The following CPQ variants were observed in gnomAD, a reference collection of about 807,000 sequenced individuals.
CPQ encodes the protein carboxypeptidase Q, also known as Ser-Met dipeptidase.
In CPQ, 37 loss-of-function variants were observed where a neutral mutation model predicts 45.7. That is an observed-to-expected ratio of 0.81 (90% CI 0.62 to 1.07). The LOEUF (loss-of-function observed/expected upper bound fraction) is 1.07. CPQ is among the 50% of genes least tolerant of loss of function. The pLI is 0.00. For missense variants in CPQ, 537 were observed against 572.9 expected (o/e 0.94, Z 0.64); for synonymous variants, 186 against 205.8 (o/e 0.90, Z 0.82).
chr8:97,081,968 C>T (rs1448001442), intron 7 of CPQ, among the ~76,000 whole-genome samples: 1 of 152,122 alleles, frequency 6.6e-6, no homozygotes, highest in Non-Finnish European at 1.5e-5. Context: ...AAGTGAAATG[C>T]TTGGCACAAA....
chr8:96,671,985 G>A (rs1013001003), intron 1 of CPQ, among the ~76,000 whole-genome samples: 1 of 152,144 alleles, frequency 6.6e-6, no homozygotes, highest in African/African-American at 2.4e-5. Context: ...TTGTGATTTA[G>A]AGGATTATTA....
At chr8:97,036,338 G>A (rs911401169) in intron 6 of CPQ, among the ~76,000 whole-genome samples, 1 of 152,064 alleles carries the variant, frequency 6.6e-6, no homozygotes. Flanking sequence ...ATGCCTTTAT[G>A]TTATTCTTTA....
At chr8:96,955,348 G>A (rs1813339946) in intron 4 of CPQ, among the ~76,000 whole-genome samples, 1 of 152,126 alleles carries the variant, frequency 6.6e-6, no homozygotes, top group African/African-American at 2.4e-5. Context: ...CTGATGGCCA[G>A]TGATGATGAG....
At chr8:97,042,191 A>C (rs866552036) in intron 6 of CPQ, among the ~76,000 whole-genome samples, 1 of 152,190 alleles carries the variant, frequency 6.6e-6, no homozygotes, top group Non-Finnish European at 1.5e-5. Flanking sequence ...CAGAGATTCA[A>C]CTTCTTCCTG....
At chr8:96,912,817 G>A (rs879645007) in intron 4 of CPQ, among the ~76,000 whole-genome samples, 6 of 152,194 alleles carry the variant, frequency 3.9e-5, no homozygotes, top group Admixed American at 6.5e-5. Context: ...GATTCCATAC[G>A]CTTTCTTCTG....
intron 6 of CPQ, 83 bp from the exon 7 acceptor site, chr8:97,065,925 AT>A: frequency 7.5e-7 from 1 of 1,341,764 alleles, no homozygotes; most frequent in Non-Finnish European, 1.1e-6. Flanking sequence ...GAGGTAAAGT[AT>A]TTGGTAATTG....
rs868232163 is a variant in CPQ, at chr8:96,926,585, T to C, written c.850-39350T>C. Among the ~76,000 whole-genome samples, 154 of 139,102 alleles carry C rather than the reference T, an allele frequency of 1.1e-3. 2 individuals are homozygous for C. Among genetic ancestry groups the C allele is most frequent in the African/African-American group, 4.2e-3 (144 of 34,166 alleles). 91.3% of individuals were successfully genotyped at this position (139,102 alleles called of 152,430 possible). ...CTTCCTCTTCCTCTTCCTCTTCTTC[T>C]TCTTCTTCTTCTTCTTCTTCTTCTT... On this transcript the variant is annotated intron_variant, in intron 4 of 7. Transcript: ENST00000220763.
intron 5 of CPQ, among the ~76,000 whole-genome samples, chr8:96,974,082 T>C (rs1813731040): frequency 6.6e-6 from 1 of 152,122 alleles, no homozygotes; most frequent in Non-Finnish European, 1.5e-5. Flanking sequence ...AATGACAGAA[T>C]GGATAAGAAT....
chr8:97,017,781 C>T (rs1307695305), intron 5 of CPQ, among the ~76,000 whole-genome samples: 9 of 152,068 alleles, frequency 5.9e-5, no homozygotes, highest in Middle Eastern at 3.2e-3. Flanking sequence ...CCTGCCCCCA[C>T]CTGGTGGTCC....
rs373982615 is a variant in CPQ, at chr8:96,834,948, A to T, written c.434-25A>T. On this transcript the variant is annotated intron_variant, in intron 2 of 7. Transcript: ENST00000220763. ...CCCAGCTGATGGGAAACTGTAAGTTAATCTTGCATGACTTTTATTTCTAGG... is the reference window on the plus strand; with the variant it reads ...CCCAGCTGATGGGAAACTGTAAGTTTATCTTGCATGACTTTTATTTCTAGG... 2.0e-5 allele frequency: 32 copies of T among 1,602,594 alleles called. No individual in the cohort carries two copies. In the African/African-American group the frequency reaches 4.0e-4, roughly 20 times the overall value.
chr8:96,875,168 A>G (rs1390294599), intron 3 of CPQ, among the ~76,000 whole-genome samples: 3 of 151,872 alleles, frequency 2.0e-5, no homozygotes, highest in East Asian at 1.9e-4. Flanking sequence ...TCCCGTTTTC[A>G]TAATTGGATT....
rs561052970 is a variant in CPQ at position 96,933,954 on chromosome 8, C to CTGT, written c.850-31981_850-31980insTGT. Among the ~76,000 whole-genome samples the CTGT allele has an allele frequency of 7.1e-4, 108 of 152,312 alleles. No individual in the cohort carries two copies. In the South Asian group the frequency reaches 0.021, roughly 29 times the overall value. Reference sequence around the variant, plus strand: ...CGAATAGTGCTACGTACCGCTACCACAACTGTAATGATTGCAGAAAATGTT... The same window carrying CTGT: ...CGAATAGTGCTACGTACCGCTACCACTGTAACTGTAATGATTGCAGAAAATGTT... On this transcript the variant is annotated intron_variant, in intron 4 of 7. Transcript: ENST00000220763.
At chr8:97,067,308 T>G (rs897884558) in intron 7 of CPQ, among the ~76,000 whole-genome samples, 1 of 152,158 alleles carries the variant, frequency 6.6e-6, no homozygotes, top group Non-Finnish European at 1.5e-5. Context: ...TTTACTGATA[T>G]TGTTTGTGAC....
chr8:97,082,736 C>T (rs1305641386), intron 7 of CPQ, among the ~76,000 whole-genome samples: 3 of 152,150 alleles, frequency 2.0e-5, no homozygotes, highest in Non-Finnish European at 4.4e-5. Flanking sequence ...TCACTTCATA[C>T]CAAGCTCCCA....
chr8:96,774,380 T>C (rs1810582010), intron 1 of CPQ, among the ~76,000 whole-genome samples: 3 of 152,188 alleles, frequency 2.0e-5, no homozygotes, highest in Admixed American at 1.3e-4. Context: ...AACAGATGTT[T>C]TAAGCCAAGG....
Position 96,835,120 on chromosome 8 carries a change from C to G in CPQ, c.581C>G (p.Ala194Gly). The G allele has an allele frequency of 6.3e-7, 1 of 1,592,110 alleles. No individual in the cohort carries two copies. The highest frequency in any genetic ancestry group is 8.6e-7 in the Non-Finnish European group (1 of 1,168,028). The change falls in exon 3 of 8, where the codon GCT (alanine) becomes GGT (glycine). Residue 194 changes from alanine (A) to glycine (G), a missense_variant. By Grantham distance (60) the Ala-to-Gly change is moderately conservative. Transcript: ENST00000220763. ...VQYRTQGAVE[A>G]AKVGALASLI... ...TACCGAACGCAGGGGGCGGTGGAAG[C>G]TGCCAAGGTGGGGGCTTTGGCATCT... is the stretch of plus-strand genomic sequence containing the variant.
intron 2 of CPQ, among the ~76,000 whole-genome samples, chr8:96,786,468 AATAGTGCTGCTATGAAC>A (rs1215796418): frequency 6.6e-6 from 1 of 152,134 alleles, no homozygotes; most frequent in East Asian, 1.9e-4. Context: ...AGATATTATG[AATAGTGCTGCTATGAAC>A]ATTCATGCAC....
At chr8:96,870,538 A>G (rs1048515676) in intron 3 of CPQ, among the ~76,000 whole-genome samples, 2 of 152,020 alleles carry the variant, frequency 1.3e-5, no homozygotes, top group Non-Finnish European at 2.9e-5. Flanking sequence ...CTCCAGCCAG[A>G]TTCAGATTGC....
intron 5 of CPQ, among the ~76,000 whole-genome samples, chr8:96,984,930 C>T (rs77046884): frequency 0.038 from 5,819 of 152,182 alleles, 278 homozygotes; most frequent in African/African-American, 0.11. Flanking sequence ...TTTCTTTCTC[C>T]TGGTTCAGTT....
Sources: gnomAD v4.1 joint callset for allele counts (sites outside exome capture counted in the v4.1 genomes callset) on GRCh38, gnomAD v4.1.1 for gene constraint, MANE v1.5 for transcripts, NCBI Gene and HGNC (gene_info 2026-07-23, HGNC 2026-07-21) for gene names.